Variants in SCRG1 observed in about 807,000 individuals in gnomAD.
The protein encoded by SCRG1 is stimulator of chondrogenesis 1.
In SCRG1, 3 loss-of-function variants were observed where a neutral mutation model predicts 7.7. The ratio of observed to expected loss-of-function variants is 0.39; its 90% confidence interval spans 0.18 to 1.01. SCRG1 has a LOEUF of 1.01. Among genes scored for constraint, SCRG1 ranks in the 50% least tolerant of loss-of-function variants. The probability of loss-of-function intolerance (pLI) is 0.36; values close to 1 mark genes in which losing one functional copy is unlikely to be tolerated. For synonymous variants in SCRG1, 46 were observed against 41.2 expected (o/e 1.12, Z -0.44); for missense variants, 110 against 117.2 (o/e 0.94, Z 0.28).
At chr4:173,494,157 C>A in the SCRG1 span, among the ~76,000 whole-genome samples, 11 of 152,104 alleles carry the variant, frequency 7.2e-5, no homozygotes, top group Non-Finnish European at 1.6e-4. Context: ...GAGACATGAC[C>A]CTGCACCCAC....
upstream of SCRG1, among the ~76,000 whole-genome samples, chr4:173,401,048 G>A (rs373553071): frequency 5.3e-5 from 8 of 152,176 alleles, no homozygotes; most frequent in Admixed American, 3.9e-4. Flanking sequence ...AATGACAGCA[G>A]TGCTGGGAGA....
chr4:173,484,426 A>ATATTATATACATATAATATATAATATT, the SCRG1 span, among the ~76,000 whole-genome samples: 1 of 69,464 alleles, frequency 1.4e-5, no homozygotes, highest in Non-Finnish European at 2.4e-5. Context: ...TATATATTAT[A>ATATTATATACATATAATATATAATATT]TATTATATAC....
At chr4:173,443,981 GTGTGTGTT>G in the SCRG1 span, among the ~76,000 whole-genome samples, 1 of 150,456 alleles carries the variant, frequency 6.6e-6, no homozygotes, top group Non-Finnish European at 1.5e-5. Flanking sequence ...GTGTGTGTGT[GTGTGTGTT>G]TGAGATGGAG....
At position 173,387,705 on chromosome 4, in the gene SCRG1, C is replaced by CTTTTTTTTTTTTTTT. The variant is rs749325462; in HGVS notation, c.*621_*635dup. The CTTTTTTTTTTTTTTT allele has an allele frequency of 1.5e-5, 1 of 66,964 alleles. No individual in the cohort carries two copies. Among genetic ancestry groups the CTTTTTTTTTTTTTTT allele is most frequent in the African/African-American group, 6.1e-5 (1 of 16,432 alleles). The allele number at this position is 66,964 out of a possible 1,614,324, so 4.1% of individuals were successfully genotyped here. A position where few individuals can be genotyped will look rare whatever the true frequency, so the allele number is the denominator to read the frequency against. ...TACCCTCAAATATTGTTCCCTTTTC[C>CTTTTTTTTTTTTTTT]TTTTTTTTTTTTTTTTTTTTTTTTC... On this transcript the variant is annotated 3_prime_UTR_variant, in exon 3 of 3. Coordinates refer to ENST00000296506, the MANE Select transcript of SCRG1 (RefSeq NM_007281.4).
At chr4:173,438,862 A>T in the SCRG1 span, among the ~76,000 whole-genome samples, 1 of 152,084 alleles carries the variant, frequency 6.6e-6, no homozygotes, top group Non-Finnish European at 1.5e-5. Flanking sequence ...AGTGGACAAT[A>T]ATTATCGTAG....
At chr4:173,511,361 C>G in the SCRG1 span, among the ~76,000 whole-genome samples, 1 of 152,284 alleles carries the variant, frequency 6.6e-6, no homozygotes, top group South Asian at 2.1e-4. The surrounding 1 kb of genome is among the most constrained non-coding windows in gnomAD (Gnocchi z 5.2). Flanking sequence ...CTCAATTAAC[C>G]GGCCCCAGAT....
upstream of SCRG1, among the ~76,000 whole-genome samples, chr4:173,400,579 A>G (rs1739735445): frequency 6.6e-6 from 1 of 152,218 alleles, no homozygotes; most frequent in Non-Finnish European, 1.5e-5. Context: ...CTAAATAACT[A>G]ATGCAGGTAT....
At chr4:173,408,266 A>C (rs570379073), upstream of SCRG1, among the ~76,000 whole-genome samples, 58 of 152,344 alleles carry the variant, frequency 3.8e-4, no homozygotes, top group South Asian at 7.9e-3. Flanking sequence ...TACGAAAAAA[A>C]CCCACACCTT....
At chr4:173,456,569 T>C in the SCRG1 span, among the ~76,000 whole-genome samples, 1 of 152,218 alleles carries the variant, frequency 6.6e-6, no homozygotes, top group Non-Finnish European at 1.5e-5. Context: ...CCTTTATCAT[T>C]TTTTAAACCT....
At chr4:173,427,932 C>T in the SCRG1 span, among the ~76,000 whole-genome samples, 3 of 152,162 alleles carry the variant, frequency 2.0e-5, no homozygotes, top group African/African-American at 4.8e-5. Flanking sequence ...GTCCTCTGCT[C>T]TTTTGGAATG....
At chr4:173,465,032 A>G in the SCRG1 span, among the ~76,000 whole-genome samples, 1 of 152,204 alleles carries the variant, frequency 6.6e-6, no homozygotes, top group Non-Finnish European at 1.5e-5. Flanking sequence ...TCAAGTACCT[A>G]GTATAGTCAA....
the SCRG1 span, among the ~76,000 whole-genome samples, chr4:173,490,133 A>T: frequency 6.6e-6 from 1 of 152,280 alleles, no homozygotes; most frequent in Non-Finnish European, 1.5e-5. Context: ...GTCCACGCCA[A>T]ATTTTGCAAC....
At chr4:173,454,406 G>A in the SCRG1 span, among the ~76,000 whole-genome samples, 1 of 152,158 alleles carries the variant, frequency 6.6e-6, no homozygotes, top group African/African-American at 2.4e-5. Context: ...AAGGCAAGGA[G>A]ACGAAGGGAA....
At chr4:173,453,001 A>G in the SCRG1 span, among the ~76,000 whole-genome samples, 1 of 152,372 alleles carries the variant, frequency 6.6e-6, no homozygotes, top group South Asian at 2.1e-4. Context: ...GGCAGAAGAC[A>G]CAGGACTCCT....
the SCRG1 span, among the ~76,000 whole-genome samples, chr4:173,455,480 C>G: frequency 6.6e-6 from 1 of 152,114 alleles, no homozygotes; most frequent in Non-Finnish European, 1.5e-5. Flanking sequence ...TGGCCTTTGG[C>G]TGCCTATGGT....
the SCRG1 span, among the ~76,000 whole-genome samples, chr4:173,444,988 T>C: frequency 2.0e-5 from 3 of 152,166 alleles, no homozygotes; most frequent in African/African-American, 4.8e-5. Context: ...TGAAAGAAGA[T>C]GTTAAAATGA....
chr4:173,468,798 C>G, the SCRG1 span: 1 of 152,272 alleles, frequency 6.6e-6, no homozygotes, highest in African/African-American at 2.4e-5. Context: ...ACTTTTGGCC[C>G]CTGGGAGACA....
chr4:173,406,904 G>T (rs1258529769), upstream of SCRG1, among the ~76,000 whole-genome samples: 1 of 152,076 alleles, frequency 6.6e-6, no homozygotes, highest in East Asian at 1.9e-4. Flanking sequence ...GTACAGTTTT[G>T]GAAATTAAGA....
the SCRG1 span, among the ~76,000 whole-genome samples, chr4:173,441,998 ACACAAAG>A: frequency 6.6e-6 from 1 of 152,236 alleles, no homozygotes; most frequent in Non-Finnish European, 1.5e-5. Context: ...GCTCTATCCC[ACACAAAG>A]TTCAACTTTT....
Sources: gnomAD v4.1 joint callset for allele counts (sites outside exome capture counted in the v4.1 genomes callset) on GRCh38, gnomAD v4.1.1 for gene constraint, Gnocchi (gnomAD v3.1) non-coding constraint, MANE v1.5 for transcripts, NCBI Gene and HGNC (gene_info 2026-07-23, HGNC 2026-07-21) for gene names.